Variants in SMG6 observed in about 807,000 individuals in gnomAD.
The protein encoded by SMG6 is SMG6 nonsense mediated mRNA decay factor, also known as telomerase-binding protein EST1A.
In SMG6, 66 loss-of-function variants were observed where a neutral mutation model predicts 142.2. That is an observed-to-expected ratio of 0.46 (90% CI 0.38 to 0.57). SMG6 has a LOEUF of 0.57. SMG6 is among the 20% of genes least tolerant of loss of function. The probability of loss-of-function intolerance (pLI) is 0.00; values close to 1 mark genes in which losing one functional copy is unlikely to be tolerated. For synonymous variants in SMG6, 779 were observed against 702.4 expected, an observed-to-expected ratio of 1.11 and a Z score of -1.72; for missense variants, 1,793 against 1,832.0, an observed-to-expected ratio of 0.98 and a Z score of 0.39.
chr17:2,133,930 C>T (rs1385863679), intron 13 of SMG6, among the ~76,000 whole-genome samples: 3 of 152,166 alleles, frequency 2.0e-5, no homozygotes, highest in African/African-American at 4.8e-5. Context: ...ATGTTGTATA[C>T]TGAGCTGGAG....
intron 13 of SMG6, among the ~76,000 whole-genome samples, chr17:2,159,528 A>C (rs1194089341): frequency 6.6e-6 from 1 of 152,212 alleles, no homozygotes; most frequent in Non-Finnish European, 1.5e-5. Context: ...AGAAATACCA[A>C]GTGTTGGCAA....
At position 2,167,318 on chromosome 17, in the gene SMG6, C is replaced by A. The variant is rs568468337; in HGVS notation, c.3357+5340G>T. On this transcript the variant is annotated intron_variant, in intron 13 of 18. Coordinates refer to ENST00000263073, the MANE Select transcript of SMG6 (RefSeq NM_017575.5). The stretch of plus-strand genomic sequence containing the variant: ...ATATCAAGATGACAAACTTGAGAAA[C>A]CTTCCTAGAATGCAGAAGAAAAGCA... Among the ~76,000 whole-genome samples the A allele has an allele frequency of 6.0e-4, 91 of 151,902 alleles. No individual in the cohort carries two copies. The Middle Eastern group carries it at 0.01, about 17-fold the overall frequency.
chr17:2,114,816 C>T (rs1475019501), intron 13 of SMG6, among the ~76,000 whole-genome samples: 2 of 151,608 alleles, frequency 1.3e-5, no homozygotes, highest in African/African-American at 4.9e-5. Flanking sequence ...GTAATCCCAG[C>T]TACTCAGGAG....
chr17:2,276,236 AAC>A (rs1449653380), intron 8 of SMG6, among the ~76,000 whole-genome samples: 1 of 152,224 alleles, frequency 6.6e-6, no homozygotes, highest in Non-Finnish European at 1.5e-5. Flanking sequence ...AACACCAGGT[AAC>A]ACAGAGAACT....
In SMG6 at chr17:2,297,563, A is replaced by C. The variant is rs565818597; in HGVS notation, c.2041-210T>G. ...ATGGTTTTAAAGATATGAACACATGAACACACACACACACACACACACACG... is the reference window on the plus strand; with the variant it reads ...ATGGTTTTAAAGATATGAACACATGCACACACACACACACACACACACACG... On this transcript the variant is annotated intron_variant, in intron 3 of 18. Coordinates refer to ENST00000263073, the MANE Select transcript of SMG6 (RefSeq NM_017575.5). Among the ~76,000 whole-genome samples, 6 of 150,724 alleles carry C rather than the reference A, an allele frequency of 4.0e-5. No homozygotes were observed. The East Asian group carries it at 1.2e-3, about 29-fold the overall frequency.
chr17:2,236,510 G>A lies in SMG6; in HGVS notation c.2851C>T (p.His951Tyr). ...QLMTINMFAV[H>Y]NSQLKDCFSE... ...GCCTTACCTTTCAGCTGGGAGTTGT[G>A]TACTGCAAACATATTGATGGTCATA... Residue 951 changes from histidine to tyrosine, a missense_variant, in exon 10 of 19, where the codon CAC becomes TAC. Coordinates refer to ENST00000263073, the MANE Select transcript of SMG6 (RefSeq NM_017575.5). 1.2e-6 allele frequency: 2 copies of A among 1,612,952 alleles called. No homozygotes were observed. Among genetic ancestry groups the A allele is most frequent in the Non-Finnish European group, 1.7e-6 (2 of 1,179,484 alleles).
At chr17:2,208,247 T>C (rs780222380) in intron 10 of SMG6, among the ~76,000 whole-genome samples, 1 of 152,058 alleles carries the variant, frequency 6.6e-6, no homozygotes, top group Non-Finnish European at 1.5e-5. Flanking sequence ...CTACCCCCAC[T>C]CTCCACAGTT....
chr17:2,169,631 C>T (rs188891858), intron 13 of SMG6, among the ~76,000 whole-genome samples: 1 of 152,232 alleles, frequency 6.6e-6, no homozygotes, highest in East Asian at 1.9e-4. Context: ...GTTTGAGGAA[C>T]AGCAAGGATG....
intron 13 of SMG6, among the ~76,000 whole-genome samples, chr17:2,102,528 ATTTTTTTTTTTTTTT>A (rs374584197): frequency 2.5e-5 from 2 of 81,614 alleles, no homozygotes; most frequent in Admixed American, 1.4e-4. Flanking sequence ...TGCTAATTTC[ATTTTTTTTTTTTTTT>A]TTTTTTTTTT....
intron 13 of SMG6, among the ~76,000 whole-genome samples, chr17:2,160,838 T>C (rs1248680395): frequency 6.6e-6 from 1 of 151,714 alleles, no homozygotes; most frequent in Non-Finnish European, 1.5e-5. Flanking sequence ...CTCAAAAAAA[T>C]AAATAAAATA....
intron 13 of SMG6, among the ~76,000 whole-genome samples, chr17:2,161,674 C>T (rs1212979782): frequency 6.6e-6 from 1 of 151,188 alleles, no homozygotes; most frequent in African/African-American, 2.4e-5. Flanking sequence ...AGACTACATA[C>T]ATTTAGTACC....
chr17:2,257,742 G>A (rs2074215885), intron 8 of SMG6, among the ~76,000 whole-genome samples: 2 of 151,954 alleles, frequency 1.3e-5, no homozygotes, highest in East Asian at 3.9e-4. Flanking sequence ...TTCCTGGCTG[G>A]GCCTGGTGGC....
At chr17:2,293,020 T>A in intron 4 of SMG6, 43 bp from the exon 5 acceptor site, 1 of 1,368,624 alleles carries the variant, frequency 7.3e-7, no homozygotes, top group Non-Finnish European at 1.0e-6. Context: ...CAAGAAACAC[T>A]AACTTCAACC....
chr17:2,063,273 G>A (rs1300198430), intron 18 of SMG6: 1 of 152,250 alleles, frequency 6.6e-6, no homozygotes, highest in Non-Finnish European at 1.5e-5. Context: ...AGAAACCAGA[G>A]ACTGTCATCT....
chr17:2,144,739 T>C (rs2151583124), intron 13 of SMG6, among the ~76,000 whole-genome samples: 1 of 152,210 alleles, frequency 6.6e-6, no homozygotes, highest in African/African-American at 2.4e-5. Flanking sequence ...CTCAAGGTTT[T>C]TCAGAGTACA....
At chr17:2,286,365 C>T (rs1023006721) in intron 6 of SMG6, among the ~76,000 whole-genome samples, 2 of 146,266 alleles carry the variant, frequency 1.4e-5, no homozygotes, top group African/African-American at 2.5e-5. Flanking sequence ...TTTCTTACCA[C>T]AAACCTACAG....
chr17:2,300,349 A>G lies in SMG6; in HGVS notation c.404T>C (p.Ile135Thr), dbSNP rs972695316. 3 of 1,613,782 alleles carry G rather than the reference A, an allele frequency of 1.9e-6. No homozygotes were observed. Among genetic ancestry groups the G allele is most frequent in the African/African-American group, 1.3e-5 (1 of 74,990 alleles). Residue 135 changes from isoleucine to threonine, a missense_variant, in exon 2 of 19, where the codon ATC (isoleucine) becomes ACC (threonine). Transcript: ENST00000263073. ...CAGGTCGGGTTTCTTTGTTCTTTTG[A>G]TAATTTTTAGACTACGATCCTCTTG... ...AGQEDRSLKI[I>T]KRTKKPDLQI...
intron 8 of SMG6, among the ~76,000 whole-genome samples, chr17:2,249,731 T>A (rs1223226021): frequency 6.6e-6 from 1 of 152,226 alleles, no homozygotes; most frequent in Non-Finnish European, 1.5e-5. Context: ...TCCTTACATA[T>A]TTACCTACTG....
chr17:2,297,094 C>A, intron 4 of SMG6, 149 bp downstream of exon 4: 1 of 474,420 alleles, frequency 2.1e-6, no homozygotes. Flanking sequence ...TATGACATTA[C>A]AATTGTTGGT....
Sources: gnomAD v4.1 joint callset for allele counts (sites outside exome capture counted in the v4.1 genomes callset) on GRCh38, gnomAD v4.1.1 for gene constraint, MANE v1.5 for transcripts, NCBI Gene and HGNC (gene_info 2026-07-23, HGNC 2026-07-21) for gene names.